The following MGMT variants were observed in gnomAD, a reference collection of about 807,000 sequenced individuals.
MGMT encodes methylated-DNA--protein-cysteine methyltransferase.
In MGMT, 14 loss-of-function variants were observed where a neutral mutation model predicts 15.9. The observed-to-expected ratio is 0.88, with a 90% CI of 0.58 to 1.37. The LOEUF (loss-of-function observed/expected upper bound fraction) is 1.37. Among genes scored for constraint, MGMT ranks in the 40% most tolerant of loss-of-function variants. MGMT has a pLI of 0.00. For synonymous variants in MGMT, 130 were observed against 118.2 expected (o/e 1.10, Z -0.65); for missense variants, 282 against 268.1 (o/e 1.05, Z -0.36).
rs572400850 is a variant in MGMT, at chr10:129,732,459, C to T, written c.274+24416C>T. Reference sequence around the variant, plus strand: ...TTAGAATGATGGTTTCCAACTTCATCCATGTCCCTGCAAAGGACATGAACT... The same window carrying T: ...TTAGAATGATGGTTTCCAACTTCATTCATGTCCCTGCAAAGGACATGAACT... On this transcript the variant is annotated intron_variant, in intron 3 of 4. Coordinates refer to ENST00000651593, the MANE Select transcript of MGMT (RefSeq NM_002412.5). Among the ~76,000 whole-genome samples the T allele has an allele frequency of 6.2e-4, 95 of 152,026 alleles. 2 individuals are homozygous for T. The East Asian group carries it at 0.014, about 23-fold the overall frequency.
Position 129,528,640 on chromosome 10 carries a change from G to T in MGMT, c.-12-7601G>T, listed in dbSNP as rs190621208. 1.3e-3 allele frequency among the ~76,000 whole-genome samples: 203 copies of T among 151,062 alleles called. 1 individual carries two copies. The highest frequency in any genetic ancestry group is 4.2e-3 in the African/African-American group (171 of 40,910). On this transcript the variant is annotated intron_variant, in intron 1 of 4. Coordinates refer to ENST00000651593, the MANE Select transcript of MGMT (RefSeq NM_002412.5). ...CCCCCAAAGAGACCTGCCGTGTGGA[G>T]ACTAGCCATGGAGAACCGTGGTGGC...
chr10:129,546,218 C>A (rs554358698), intron 2 of MGMT, among the ~76,000 whole-genome samples: 1 of 152,334 alleles, frequency 6.6e-6, no homozygotes, highest in Non-Finnish European at 1.5e-5. Flanking sequence ...CACCTGCAGC[C>A]CAAGCCCAGC....
At chr10:129,694,852 T>C (rs964906017) in intron 2 of MGMT, among the ~76,000 whole-genome samples, 3 of 152,186 alleles carry the variant, frequency 2.0e-5, no homozygotes, top group Non-Finnish European at 4.4e-5. Flanking sequence ...TCCTTTAAAC[T>C]GAAAACCCTG....
intron 1 of MGMT, among the ~76,000 whole-genome samples, chr10:129,502,268 C>A (rs1049224127): frequency 1.3e-5 from 2 of 151,348 alleles, no homozygotes; most frequent in South Asian, 2.1e-4. Context: ...AGTTCCGTAA[C>A]CTCCCTGTCT....
intron 1 of MGMT, among the ~76,000 whole-genome samples, chr10:129,505,886 G>A (rs1845619658): frequency 6.6e-6 from 1 of 152,156 alleles, no homozygotes; most frequent in Admixed American, 6.5e-5. Context: ...GAGGGGTTGT[G>A]CTTGTCCCTG....
chr10:129,724,428 T>C (rs1848409477), intron 3 of MGMT, among the ~76,000 whole-genome samples: 1 of 152,240 alleles, frequency 6.6e-6, no homozygotes, highest in Non-Finnish European at 1.5e-5. Flanking sequence ...GGGAATGTTC[T>C]AGACCATGAC....
At chr10:129,590,393 T>C (rs975839283) in intron 2 of MGMT, among the ~76,000 whole-genome samples, 3 of 152,248 alleles carry the variant, frequency 2.0e-5, no homozygotes, top group African/African-American at 7.2e-5. Flanking sequence ...TGTTTCGATT[T>C]TAATTCCTTA....
At chr10:129,600,927 T>C (rs546875546) in intron 2 of MGMT, among the ~76,000 whole-genome samples, 3 of 152,326 alleles carry the variant, frequency 2.0e-5, no homozygotes, top group South Asian at 4.1e-4. Context: ...ATACTCCTAG[T>C]TGGTTAGTGA....
At chr10:129,557,525 A>G (rs1234763907) in intron 2 of MGMT, among the ~76,000 whole-genome samples, 2 of 152,252 alleles carry the variant, frequency 1.3e-5, no homozygotes, top group Admixed American at 1.3e-4. Context: ...TAGGACCTTA[A>G]AATACACACA....
At chr10:129,645,016 C>A (rs989489594) in intron 2 of MGMT, among the ~76,000 whole-genome samples, 15 of 152,070 alleles carry the variant, frequency 9.9e-5, no homozygotes, top group African/African-American at 3.4e-4. Context: ...ATGCACTAAG[C>A]TCAAGTCAGG....
intron 2 of MGMT, among the ~76,000 whole-genome samples, chr10:129,540,074 G>GGCA (rs1589857117): frequency 6.6e-6 from 1 of 152,118 alleles, no homozygotes; most frequent in Admixed American, 6.5e-5. Flanking sequence ...CATTGTCCTC[G>GGCA]GCAGCGTTGA....
chr10:129,469,088 G>T (rs1182994221), intron 1 of MGMT, among the ~76,000 whole-genome samples: 1 of 152,052 alleles, frequency 6.6e-6, no homozygotes, highest in Non-Finnish European at 1.5e-5. Context: ...TTCGTTGTTT[G>T]GGTTTCCTCC....
chr10:129,648,551 A>G (rs1847421929), intron 2 of MGMT, among the ~76,000 whole-genome samples: 1 of 152,240 alleles, frequency 6.6e-6, no homozygotes. Context: ...AAGCTTAATA[A>G]CAAATATGCA....
At chr10:129,525,942 C>T (rs1216538458) in intron 1 of MGMT, among the ~76,000 whole-genome samples, 1 of 152,204 alleles carries the variant, frequency 6.6e-6, no homozygotes, top group Non-Finnish European at 1.5e-5. Flanking sequence ...TGGATCCCTT[C>T]TCAGTTTGAC....
intron 2 of MGMT, among the ~76,000 whole-genome samples, chr10:129,616,151 CAA>C (rs1589895379): frequency 2.0e-5 from 3 of 152,332 alleles, no homozygotes; most frequent in Admixed American, 6.5e-5. Flanking sequence ...GCCCTGCAAA[CAA>C]GAGCACTGAG....
At chr10:129,649,306 T>C (rs1000038397) in intron 2 of MGMT, among the ~76,000 whole-genome samples, 3 of 152,166 alleles carry the variant, frequency 2.0e-5, no homozygotes, top group Non-Finnish European at 2.9e-5. Context: ...GACCACTTTT[T>C]GTGATTGATG....
rs142027078 is a variant in MGMT, at chr10:129,692,129, A to G, written c.126-15766A>G. Among the ~76,000 whole-genome samples the G allele has an allele frequency of 9.7e-3, 1,473 of 152,326 alleles. 80 individuals carry two copies. Among genetic ancestry groups the G allele is most frequent in the Admixed American group, 0.086 (1,321 of 15,302 alleles). ...GACTGAATGCTTTGATACCACCCAA[A>G]TATATGGTCTGAGGTGGTTGTAAAT... On this transcript the variant is annotated intron_variant, in intron 2 of 4. Transcript: ENST00000651593.
At chr10:129,590,892 G>A (rs372126157) in intron 2 of MGMT, among the ~76,000 whole-genome samples, 3 of 152,344 alleles carry the variant, frequency 2.0e-5, no homozygotes, top group South Asian at 2.1e-4. Flanking sequence ...CTCTCCCGCC[G>A]GCTGACGGAA....
chr10:129,529,786 A>G (rs1405056935), intron 1 of MGMT, among the ~76,000 whole-genome samples: 4 of 148,080 alleles, frequency 2.7e-5, no homozygotes, highest in South Asian at 2.3e-4. Context: ...TCGTTTTTCT[A>G]CTTGACATCA....
Sources: allele counts gnomAD v4.1 joint callset (sites outside exome capture counted in the v4.1 genomes callset), GRCh38; gene constraint gnomAD v4.1.1; transcripts MANE v1.5; gene names NCBI Gene and HGNC (gene_info 2026-07-23, HGNC 2026-07-21).